SLIT1: variants seen among roughly 807,000 people sequenced by gnomAD.
SLIT1 encodes the protein slit homolog 1 protein.
A neutral mutation model predicts 186.1 loss-of-function variants in SLIT1; 66 were observed. That is an observed-to-expected ratio of 0.35 (90% CI 0.29 to 0.44). SLIT1 has a LOEUF of 0.44. Among genes scored for constraint, SLIT1 ranks in the 20% least tolerant of loss-of-function variants. SLIT1 has a pLI of 1.00. For synonymous variants in SLIT1, 761 were observed against 833.8 expected, an observed-to-expected ratio of 0.91 and a Z score of 1.50; for missense variants, 1,638 against 2,037.4, an observed-to-expected ratio of 0.80 and a Z score of 3.77.
chr10:97,001,373 G>A, intron 36 of SLIT1, 23 bp from the exon 37 acceptor site: 3 of 1,592,506 alleles, frequency 1.9e-6, no homozygotes, highest in Non-Finnish European at 2.6e-6. Context: ...GACACCAAGA[G>A]AAAGCCTCAG....
At position 97,052,203 on chromosome 10, in the gene SLIT1, C is replaced by T. The variant is rs552269310; in HGVS notation, c.1302-3085G>A. Reference sequence around the variant, plus strand: ...CCTTGAACTCCTGGGCTCAGGGAATCCTCCCACCTCAGCCTCTTGAGTACT... The same window carrying T: ...CCTTGAACTCCTGGGCTCAGGGAATTCTCCCACCTCAGCCTCTTGAGTACT... On this transcript the variant is annotated intron_variant, in intron 13 of 36. Transcript: ENST00000266058. Among the ~76,000 whole-genome samples, 6 of 149,022 alleles carry T rather than the reference C, an allele frequency of 4.0e-5. No homozygotes were observed. In the South Asian group the frequency reaches 1.1e-3, roughly 27 times the overall value.
intron 4 of SLIT1, among the ~76,000 whole-genome samples, chr10:97,080,902 C>T (rs1029423059): frequency 1.3e-5 from 2 of 152,192 alleles, no homozygotes; most frequent in African/African-American, 2.4e-5. Flanking sequence ...GCTCCCAGCC[C>T]GGGCTTATGG....
intron 4 of SLIT1, among the ~76,000 whole-genome samples, chr10:97,151,995 TG>T (rs1564688882): frequency 6.6e-6 from 1 of 152,206 alleles, no homozygotes; most frequent in East Asian, 1.9e-4. Context: ...CCACCCTCAA[TG>T]GGGGCATCCC....
Position 97,097,499 on chromosome 10 carries a change from T to A in SLIT1, c.414-31413A>T, listed in dbSNP as rs537795204. Reference sequence around the variant, plus strand: ...GGTGGGGGTTTAGAGGTGAGAACGATGCTTCTGTGGGAGGAAAAACTAGCT... The same window carrying A: ...GGTGGGGGTTTAGAGGTGAGAACGAAGCTTCTGTGGGAGGAAAAACTAGCT... On this transcript the variant is annotated intron_variant, in intron 4 of 36. Transcript: ENST00000266058. Among the ~76,000 whole-genome samples, 12 of 152,344 alleles carry A rather than the reference T, an allele frequency of 7.9e-5. No homozygotes were observed. The East Asian group carries it at 2.3e-3, about 29-fold the overall frequency.
intron 11 of SLIT1, among the ~76,000 whole-genome samples, chr10:97,058,955 T>C (rs1038852471): frequency 6.6e-6 from 1 of 152,228 alleles, no homozygotes; most frequent in African/African-American, 2.4e-5. Flanking sequence ...AGGGAAATAC[T>C]GAAGGAGGAG....
chr10:97,135,240 G>A (rs1475328844), intron 4 of SLIT1, among the ~76,000 whole-genome samples: 1 of 152,110 alleles, frequency 6.6e-6, no homozygotes, highest in Non-Finnish European at 1.5e-5. Flanking sequence ...CCCATCGCCT[G>A]ACCACGTGCC....
intron 25 of SLIT1, among the ~76,000 whole-genome samples, chr10:97,028,750 C>A (rs1347764982): frequency 6.6e-6 from 1 of 152,194 alleles, no homozygotes; most frequent in Non-Finnish European, 1.5e-5. Flanking sequence ...TTCTTCAGCA[C>A]TAGAGTCACT....
chr10:97,109,005 A>C (rs576922973), intron 4 of SLIT1, among the ~76,000 whole-genome samples: 1 of 150,682 alleles, frequency 6.6e-6, no homozygotes, highest in East Asian at 2.0e-4. Flanking sequence ...TTACTTCTTG[A>C]GCTTCGGTTT....
chr10:97,180,898 T>C (rs762245838), intron 1 of SLIT1, among the ~76,000 whole-genome samples: 2 of 152,316 alleles, frequency 1.3e-5, no homozygotes, highest in Middle Eastern at 3.4e-3. Flanking sequence ...TCCTAATGAT[T>C]GAATCACAAA....
At chr10:97,014,375 G>A (rs562202568) in intron 28 of SLIT1, among the ~76,000 whole-genome samples, 14 of 152,306 alleles carry the variant, frequency 9.2e-5, no homozygotes, top group African/African-American at 3.4e-4. Context: ...GATGGATGGC[G>A]AGGGGAGAGG....
chr10:97,143,969 G>T (rs1383616693), intron 4 of SLIT1, among the ~76,000 whole-genome samples: 1 of 152,146 alleles, frequency 6.6e-6, no homozygotes, highest in Admixed American at 6.5e-5. Context: ...AGGCTGAGGT[G>T]GGCGAATCAC....
chr10:97,018,478 C>G (rs1250443670), intron 28 of SLIT1, 108 bp downstream of exon 28: 2 of 672,640 alleles, frequency 3.0e-6, no homozygotes, highest in African/African-American at 1.8e-5. Flanking sequence ...TCCACCTCCC[C>G]ACAGGGCACA....
intron 26 of SLIT1, among the ~76,000 whole-genome samples, chr10:97,020,865 A>C (rs985019798): frequency 2.0e-5 from 3 of 152,218 alleles, no homozygotes; most frequent in Admixed American, 6.5e-5. Context: ...ATGTCGGGAG[A>C]GTGGCTGCTG....
chr10:97,043,676 C>T lies in SLIT1; in HGVS notation c.1854-163G>A, dbSNP rs377052270. Among the ~76,000 whole-genome samples the T allele has an allele frequency of 1.6e-4, 24 of 152,182 alleles. No individual in the cohort carries two copies. Among genetic ancestry groups the T allele is most frequent in the South Asian group, 8.3e-4 (4 of 4,812 alleles). ...CCAGCCAGGCCCCGGCCAGGTGAGG[C>T]GAGTTTTACACACCTGTGCCCACTC... On this transcript the variant is annotated intron_variant, in intron 18 of 36. Transcript: ENST00000266058. This position sits in a 1 kb window ranked among gnomAD's most constrained non-coding sequence, Gnocchi z 7.0.
intron 4 of SLIT1, among the ~76,000 whole-genome samples, chr10:97,090,441 T>G (rs1589388866): frequency 6.6e-6 from 1 of 152,020 alleles, no homozygotes; most frequent in Admixed American, 6.5e-5. Flanking sequence ...GCTAGAGCCA[T>G]AGGCAGGGAC....
intron 4 of SLIT1, among the ~76,000 whole-genome samples, chr10:97,134,519 G>A (rs756835953): frequency 1.3e-5 from 2 of 152,040 alleles, no homozygotes; most frequent in Admixed American, 6.5e-5. Context: ...TGAGGGTGGG[G>A]GCCTCAGAGC....
At chr10:97,133,512 G>A (rs1849674061) in intron 4 of SLIT1, among the ~76,000 whole-genome samples, 1 of 152,156 alleles carries the variant, frequency 6.6e-6, no homozygotes, top group Admixed American at 6.5e-5. Context: ...TGGCAGGTGG[G>A]GCAATGGGAG....
Position 97,046,752 on chromosome 10 carries a change from G to A in SLIT1, c.1755C>T (p.Phe585=), listed in dbSNP as rs565102855. The change falls in exon 18 of 37, where the codon TTC becomes TTT. Residue 585 remains phenylalanine, a synonymous_variant. Transcript: ENST00000266058. ...GCTCGCTCACAGAGGCTGCGCCCTC[G>A]AAGGCCCCATCTTCAATTTCTGACA... The part of the protein sequence containing the change: ...NKVSEIEDGA[F]EGAASVSELH... 32 of 1,612,554 alleles carry A rather than the reference G, an allele frequency of 2.0e-5. No homozygotes were observed. The highest frequency in any genetic ancestry group is 1.4e-4 in the South Asian group (13 of 91,078).
rs1242127422 is a variant in SLIT1, at chr10:97,046,644, GCA to G, written c.1853+8_1853+9del. The G allele has an allele frequency of 6.2e-7, 1 of 1,601,356 alleles. No individual in the cohort carries two copies. Among genetic ancestry groups the G allele is most frequent in the Non-Finnish European group, 8.5e-7 (1 of 1,177,412 alleles). On this transcript the variant is annotated splice_region_variant and intron_variant, in intron 18 of 36. Coordinates refer to ENST00000266058, the MANE Select transcript of SLIT1 (RefSeq NM_003061.3). Reference sequence around the variant, plus strand: ...CTGGCCCACCCTGCTCCCCAGCCCTGCACACTCACAGGGTCCTCAAGCCATCC... The same window carrying G: ...CTGGCCCACCCTGCTCCCCAGCCCTGCACTCACAGGGTCCTCAAGCCATCC...
Sources: allele counts gnomAD v4.1 joint callset (sites outside exome capture counted in the v4.1 genomes callset), GRCh38; gene constraint gnomAD v4.1.1; non-coding constraint Gnocchi (gnomAD v3.1); transcripts MANE v1.5; gene names NCBI Gene and HGNC (gene_info 2026-07-23, HGNC 2026-07-21).